STK32B: variants seen among roughly 807,000 people sequenced by gnomAD.
STK32B encodes the protein serine/threonine-protein kinase 32B.
A neutral mutation model predicts 52.6 loss-of-function variants in STK32B; 43 were observed. That is an observed-to-expected ratio of 0.82 (90% confidence interval 0.64 to 1.05). STK32B has a LOEUF of 1.05. Among genes scored for constraint, STK32B ranks in the 50% least tolerant of loss-of-function variants. The pLI is 0.00. For synonymous variants in STK32B, 238 were observed against 204.3 expected (o/e 1.17, Z -1.41); for missense variants, 621 against 534.6 (o/e 1.16, Z -1.59).
At chr4:5,471,678 G>A (rs1048370524) in intron 11 of STK32B, among the ~76,000 whole-genome samples, 3 of 152,052 alleles carry the variant, frequency 2.0e-5, no homozygotes, top group African/African-American at 4.8e-5. Context: ...TAAGCATGGG[G>A]ACCAGCGTTT....
At chr4:5,485,588 G>C (rs1449525208) in intron 11 of STK32B, among the ~76,000 whole-genome samples, 1 of 152,122 alleles carries the variant, frequency 6.6e-6, no homozygotes, top group African/African-American at 2.4e-5. Context: ...CTCTCAACTT[G>C]TCAAAGTCAT....
intron 3 of STK32B, among the ~76,000 whole-genome samples, chr4:5,256,463 T>C (rs913962726): frequency 9.9e-5 from 15 of 152,214 alleles, no homozygotes; most frequent in Non-Finnish European, 1.8e-4. Flanking sequence ...AGTCTTCAAG[T>C]AATTCTTCCC....
chr4:5,189,027 G>T (rs1378337654), intron 3 of STK32B, among the ~76,000 whole-genome samples: 1 of 144,976 alleles, frequency 6.9e-6, no homozygotes, highest in East Asian at 1.9e-4. Context: ...AAAAAAAAAA[G>T]AAAAACAGAT....
intron 3 of STK32B, among the ~76,000 whole-genome samples, chr4:5,235,070 G>T (rs1021094921): frequency 6.6e-6 from 1 of 152,210 alleles, no homozygotes; most frequent in African/African-American, 2.4e-5. Flanking sequence ...TTCTCAAGCA[G>T]TCTTGCCATT....
intron 3 of STK32B, among the ~76,000 whole-genome samples, chr4:5,222,994 T>G (rs1723635106): frequency 6.6e-6 from 1 of 151,392 alleles, no homozygotes; most frequent in Non-Finnish European, 1.5e-5. Context: ...TGAGGCAGAG[T>G]GGTTTTGAGG....
intron 11 of STK32B, among the ~76,000 whole-genome samples, chr4:5,486,349 A>C (rs1269844010): frequency 3.9e-5 from 6 of 152,152 alleles, no homozygotes; most frequent in Admixed American, 6.5e-5. Flanking sequence ...CTGTGGTAGC[A>C]ATGAGCGAGG....
intron 7 of STK32B, among the ~76,000 whole-genome samples, chr4:5,451,871 C>G (rs1334857927): frequency 6.6e-6 from 1 of 152,146 alleles, no homozygotes; most frequent in African/African-American, 2.4e-5. Flanking sequence ...GCAGGTGAGG[C>G]CATTAGCACA....
the STK32B span, among the ~76,000 whole-genome samples, chr4:5,022,871 T>C: frequency 6.6e-6 from 1 of 152,172 alleles, no homozygotes; most frequent in Non-Finnish European, 1.5e-5. Context: ...GCTGACACTC[T>C]GGGTGAGTGG....
chr4:5,271,485 G>A (rs369241594), intron 3 of STK32B, among the ~76,000 whole-genome samples: 6 of 151,334 alleles, frequency 4.0e-5, no homozygotes, highest in African/African-American at 7.3e-5. Context: ...TTGGCGATGC[G>A]GGCTCTTTTT....
intron 8 of STK32B, chr4:5,459,024 A>G (rs2109147336): frequency 6.6e-6 from 1 of 152,374 alleles, no homozygotes; most frequent in Non-Finnish European, 1.5e-5. Flanking sequence ...GGACATCAGC[A>G]TGTTTTCAGA....
intron 3 of STK32B, chr4:5,214,142 C>A (rs1005820331): frequency 5.3e-5 from 8 of 152,074 alleles, no homozygotes; most frequent in Admixed American, 4.6e-4. Flanking sequence ...GTGATTGGAT[C>A]ATGGGGGCGG....
At chr4:5,366,631 A>T (rs1734897834) in intron 4 of STK32B, among the ~76,000 whole-genome samples, 1 of 152,236 alleles carries the variant, frequency 6.6e-6, no homozygotes. Flanking sequence ...GGCCCAGGCG[A>T]TGACTCAAAT....
intron 1 of STK32B, among the ~76,000 whole-genome samples, chr4:5,126,420 C>T (rs939002656): frequency 2.0e-5 from 3 of 152,188 alleles, no homozygotes; most frequent in Non-Finnish European, 4.4e-5. Flanking sequence ...TGGCTGGGCT[C>T]GCTCACTTAT....
At chr4:5,390,964 CTTTT>C (rs71638602) in intron 4 of STK32B, among the ~76,000 whole-genome samples, 3 of 124,012 alleles carry the variant, frequency 2.4e-5, no homozygotes, top group African/African-American at 3.2e-5. Flanking sequence ...TCTTTTCTAT[CTTTT>C]TTTTTTTTTT....
chr4:5,106,971 A>G (rs1410960712), intron 1 of STK32B, among the ~76,000 whole-genome samples: 1 of 152,152 alleles, frequency 6.6e-6, no homozygotes, highest in Non-Finnish European at 1.5e-5. Context: ...GTTGAGTTGT[A>G]TCACTTTTTG....
the STK32B span, among the ~76,000 whole-genome samples, chr4:5,024,654 A>G: frequency 2.6e-5 from 4 of 152,110 alleles, no homozygotes; most frequent in Non-Finnish European, 5.9e-5. Flanking sequence ...CAGCCCTGAC[A>G]TTTAAGGGCA....
At chr4:5,434,855 C>A (rs1304806532) in intron 6 of STK32B, among the ~76,000 whole-genome samples, 1 of 152,156 alleles carries the variant, frequency 6.6e-6, no homozygotes. Flanking sequence ...AAATGGCCCC[C>A]CTAAGATCGC....
the STK32B span, among the ~76,000 whole-genome samples, chr4:5,034,571 C>T: frequency 6.6e-6 from 1 of 152,218 alleles, no homozygotes. Context: ...CACGATGAAT[C>T]GTACCACAGT....
intron 3 of STK32B, among the ~76,000 whole-genome samples, chr4:5,275,924 C>T (rs1351761698): frequency 6.6e-6 from 1 of 152,020 alleles, no homozygotes; most frequent in East Asian, 1.9e-4. Flanking sequence ...GCTAGGAGAC[C>T]TACTAGTAGA....
Sources: allele counts gnomAD v4.1 joint callset (sites outside exome capture counted in the v4.1 genomes callset), GRCh38; gene constraint gnomAD v4.1.1; transcripts MANE v1.5; gene names NCBI Gene and HGNC (gene_info 2026-07-23, HGNC 2026-07-21).